The following JARID2 variants were observed in gnomAD, a reference collection of about 807,000 sequenced individuals.
The protein encoded by JARID2 is jumonji and AT-rich interaction domain containing 2.
Under a neutral mutation model 125.6 loss-of-function variants are expected in JARID2, and 21 were observed. The ratio of observed to expected loss-of-function variants is 0.17; its 90% CI spans 0.12 to 0.24. The LOEUF is 0.24. JARID2 is among the 10% of genes least tolerant of loss of function. The probability of loss-of-function intolerance (pLI) is 1.00; values close to 1 mark genes in which losing one functional copy is unlikely to be tolerated. For missense variants in JARID2, 1,303 were observed against 1,639.6 expected (o/e 0.79, Z 3.55); for synonymous variants, 736 against 661.6 (o/e 1.11, Z -1.73).
chr6:15,414,048 C>G (rs551501846), intron 3 of JARID2, among the ~76,000 whole-genome samples: 1 of 152,248 alleles, frequency 6.6e-6, no homozygotes, highest in South Asian at 2.1e-4. Context: ...TTAATTACTC[C>G]TACTCTACAC....
At chr6:15,458,975 T>C (rs914910916) in intron 4 of JARID2, among the ~76,000 whole-genome samples, 1 of 152,232 alleles carries the variant, frequency 6.6e-6, no homozygotes, top group African/African-American at 2.4e-5. Context: ...CCTATGAGGT[T>C]AGGAAGATGT....
At chr6:15,515,933 G>A (rs1771536668) in intron 16 of JARID2, among the ~76,000 whole-genome samples, 1 of 151,118 alleles carries the variant, frequency 6.6e-6, no homozygotes, top group Non-Finnish European at 1.5e-5. Context: ...TACTCGGGAG[G>A]TGGAGGTTGC....
At chr6:15,257,944 C>G (rs1192635342) in intron 1 of JARID2, among the ~76,000 whole-genome samples, 2 of 152,194 alleles carry the variant, frequency 1.3e-5, no homozygotes, top group Non-Finnish European at 2.9e-5. Flanking sequence ...TTAGTCAGAA[C>G]AGCTCCAGAA....
chr6:15,310,443 A>G (rs1366033911), intron 1 of JARID2, among the ~76,000 whole-genome samples: 2 of 152,230 alleles, frequency 1.3e-5, no homozygotes, highest in Non-Finnish European at 2.9e-5. Context: ...CCATAACAGA[A>G]ATAGTGATTT....
Position 15,504,534 on chromosome 6 carries a change from C to G in JARID2, c.2483C>G (p.Thr828Arg). 2 of 1,614,060 alleles carry G rather than the reference C, an allele frequency of 1.2e-6. No individual in the cohort carries two copies. The highest frequency in any genetic ancestry group is 1.7e-6 in the Non-Finnish European group (2 of 1,179,930). Residue 828 changes from threonine to arginine, a missense_variant, in exon 9 of 18, where the codon ACA (threonine) becomes AGA (arginine). By Grantham distance (71) the Thr-to-Arg change is moderately conservative. This residue lies in a region of JARID2 where 29 missense variants were observed against 47.7 expected (regional missense o/e 0.61). Transcript: ENST00000341776. ...RSVSLTTFYR[T>R]ARNIMSMCFS... is the part of the protein sequence containing the mutation. ...GTTTCTCTAACAACTTTTTATCGAA[C>G]AGCGAGGAATATCATGAGCATGTGT...
intron 16 of JARID2, among the ~76,000 whole-genome samples, chr6:15,515,047 CTTTT>C (rs60113331): frequency 3.3e-5 from 5 of 151,072 alleles, no homozygotes; most frequent in East Asian, 1.9e-4. Context: ...TCTCTCTGTT[CTTTT>C]TTTTTTTTGT....
At chr6:15,492,484 A>G (rs2127726539) in intron 6 of JARID2, among the ~76,000 whole-genome samples, 2 of 152,294 alleles carry the variant, frequency 1.3e-5, no homozygotes, top group East Asian at 3.9e-4. Context: ...AGGTAAGACA[A>G]TGCCTTCCTC....
intron 1 of JARID2, among the ~76,000 whole-genome samples, chr6:15,354,065 ATCTAAG>A (rs1453849064): frequency 6.6e-6 from 1 of 152,206 alleles, no homozygotes; most frequent in Non-Finnish European, 1.5e-5. Flanking sequence ...TCACAGGTGT[ATCTAAG>A]TAAAAGGGAT....
At chr6:15,264,655 TAGAG>T (rs70996529) in intron 1 of JARID2, among the ~76,000 whole-genome samples, 4,138 of 129,196 alleles carry the variant, frequency 0.032, 82 homozygotes, top group Non-Finnish European at 0.031. Context: ...GAGAGAGAGA[TAGAG>T]AGAGAGAGAG....
intron 2 of JARID2, among the ~76,000 whole-genome samples, chr6:15,375,107 C>G (rs1268835017): frequency 6.6e-6 from 1 of 152,176 alleles, no homozygotes; most frequent in African/African-American, 2.4e-5. Flanking sequence ...TGCCAAAGGA[C>G]AGGTTCACCA....
At chr6:15,480,160 C>G (rs1769541792) in intron 5 of JARID2, among the ~76,000 whole-genome samples, 2 of 151,926 alleles carry the variant, frequency 1.3e-5, no homozygotes, top group Non-Finnish European at 2.9e-5. Flanking sequence ...TACAGTGATT[C>G]TTTTTTTTGC....
At chr6:15,417,879 G>C (rs902228760) in intron 3 of JARID2, among the ~76,000 whole-genome samples, 1 of 152,202 alleles carries the variant, frequency 6.6e-6, no homozygotes, top group Admixed American at 6.5e-5. Context: ...ATCCTTTCGA[G>C]ACTTCTCTGA....
chr6:15,422,956 G>C (rs1039600060), intron 3 of JARID2, among the ~76,000 whole-genome samples: 9 of 148,712 alleles, frequency 6.1e-5, no homozygotes, highest in Non-Finnish European at 1.5e-5. Flanking sequence ...ACTTGACTAT[G>C]CTATCAAGGC....
chr6:15,352,255 A>C (rs1436682638), intron 1 of JARID2, among the ~76,000 whole-genome samples: 1 of 152,164 alleles, frequency 6.6e-6, no homozygotes, highest in East Asian at 1.9e-4. Context: ...GAGATTCCTG[A>C]AAGACTATAA....
At chr6:15,331,335 C>CAA (rs201473981) in intron 1 of JARID2, among the ~76,000 whole-genome samples, 1 of 99,724 alleles carries the variant, frequency 1.0e-5, no homozygotes, top group Non-Finnish European at 2.4e-5. Flanking sequence ...GATCCTGCCT[C>CAA]AAAAAAAACA....
intron 5 of JARID2, among the ~76,000 whole-genome samples, chr6:15,470,856 G>A (rs1467543962): frequency 6.6e-6 from 1 of 152,208 alleles, no homozygotes. Context: ...ACTGTTGCCT[G>A]TTGTTCCACC....
rs2127778842 is a variant in JARID2 at position 15,520,383 on chromosome 6, AC to A, written c.*133del. 1 of 715,886 alleles carries A rather than the reference AC, an allele frequency of 1.4e-6. No individual in the cohort carries two copies. Among genetic ancestry groups the A allele is most frequent in the East Asian group, 3.0e-5 (1 of 32,974 alleles). 44.3% of individuals were successfully genotyped at this position (715,886 alleles called of 1,614,324 possible). A position where few individuals can be genotyped will look rare whatever the true frequency, so the allele number is the denominator to read the frequency against. ...GAAGATTTTCTTCTGGTTTTAGAGA[AC>A]TAATTTTGTTTTAGCATTAAACTGT... On this transcript the variant is annotated 3_prime_UTR_variant, in exon 18 of 18. Transcript: ENST00000341776.
In JARID2 at chr6:15,246,326, C is replaced by T; in HGVS notation, c.-214C>T. The T allele has an allele frequency of 3.7e-6, 2 of 538,862 alleles. No homozygotes were observed. Among genetic ancestry groups the T allele is most frequent in the African/African-American group, 3.9e-5 (2 of 50,698 alleles). The allele number at this position is 538,862 out of a possible 1,614,324, so 33.4% of individuals were successfully genotyped here. On this transcript the variant is annotated 5_prime_UTR_variant, in exon 1 of 18. Coordinates refer to ENST00000341776, the MANE Select transcript of JARID2 (RefSeq NM_004973.4). ...ACTAAAGTGAATTTTTTTTTGTTTG[C>T]TTCGTTCGTCTTTGGCTCTTTTTTT... is the stretch of plus-strand genomic sequence containing the variant.
chr6:15,496,899 C>T lies in JARID2; in HGVS notation c.1674C>T (p.Pro558=), dbSNP rs376937633. Residue 558 remains proline, a synonymous_variant, in exon 7 of 18, where the codon CCC becomes CCT. Transcript: ENST00000341776. The stretch of plus-strand genomic sequence containing the variant: ...GGTGGGCGGCCATGGACGAGATCCC[C>T]GTCCTCAGGCCCTCCGCCAAGGAGT... ...KAGWAAMDEI[P]VLRPSAKEFH... is the part of the protein sequence containing the mutation. 1.5e-4 allele frequency: 240 copies of T among 1,601,066 alleles called. 1 individual carries two copies. The highest frequency in any genetic ancestry group is 4.1e-4 in the African/African-American group (31 of 74,768).
Sources: gnomAD v4.1 joint callset for allele counts (sites outside exome capture counted in the v4.1 genomes callset) on GRCh38, gnomAD v4.1.1 for gene constraint, gnomAD v4.1.1 regional missense constraint, MANE v1.5 for transcripts, NCBI Gene and HGNC (gene_info 2026-07-23, HGNC 2026-07-21) for gene names.